The following CYP2J2 variants were observed in gnomAD, a reference collection of about 807,000 sequenced individuals.
CYP2J2 encodes cytochrome P450 family 2 subfamily J member 2, also known as cytochrome P450 2J2.
In CYP2J2, 41 loss-of-function variants were observed where a neutral mutation model predicts 48.8. The ratio of observed to expected loss-of-function variants is 0.84; its 90% CI spans 0.66 to 1.09. The LOEUF (loss-of-function observed/expected upper bound fraction) is 1.09, where lower values mean the gene tolerates loss of function less well. Ranked by LOEUF, CYP2J2 falls within the 50% of genes least tolerant of loss-of-function variation. CYP2J2 has a pLI of 0.00. For missense variants in CYP2J2, 644 were observed against 617.3 expected (o/e 1.04, Z -0.46); for synonymous variants, 221 against 227.1 (o/e 0.97, Z 0.24).
rs114965352 is a variant in CYP2J2, at chr1:59,909,101, T to C, written c.861+683A>G. On this transcript the variant is annotated intron_variant, in intron 5 of 8. Coordinates refer to ENST00000371204, the MANE Select transcript of CYP2J2 (RefSeq NM_000775.4). ...GGGATGGGGGATGAAAGGGCTGTAT[T>C]TGGGCATTCACAGGACCTCAAACCA... is the stretch of plus-strand genomic sequence containing the variant. Among the ~76,000 whole-genome samples the C allele has an allele frequency of 4.1e-3, 628 of 152,306 alleles. 7 individuals are homozygous for C. Among genetic ancestry groups the C allele is most frequent in the African/African-American group, 0.015 (603 of 41,562 alleles).
chr1:59,961,792 T>G, the CYP2J2 span, among the ~76,000 whole-genome samples: 1 of 152,102 alleles, frequency 6.6e-6, no homozygotes, highest in Non-Finnish European at 1.5e-5. Context: ...AATAAAAATC[T>G]GTCACATCCA....
At chr1:59,941,818 C>T in the CYP2J2 span, among the ~76,000 whole-genome samples, 2 of 152,064 alleles carry the variant, frequency 1.3e-5, no homozygotes, top group Admixed American at 1.3e-4. Context: ...CATTTTTGTA[C>T]AGCTGCACAA....
intron 1 of CYP2J2, among the ~76,000 whole-genome samples, 169 bp downstream of exon 1, chr1:59,926,368 G>A (rs1441592304): frequency 6.6e-6 from 1 of 152,192 alleles, no homozygotes; most frequent in Non-Finnish European, 1.5e-5. Flanking sequence ...AATCATGCCA[G>A]TTAATGGGTT....
the CYP2J2 span, among the ~76,000 whole-genome samples, chr1:59,934,220 A>G: frequency 1.3e-5 from 2 of 152,226 alleles, no homozygotes; most frequent in Admixed American, 6.5e-5. Context: ...TATATAACAC[A>G]GACAAAAATA....
chr1:59,926,446 T>A (rs1239989141), intron 1 of CYP2J2, 91 bp downstream of exon 1: 3 of 1,107,222 alleles, frequency 2.7e-6, no homozygotes, highest in African/African-American at 3.1e-5. Flanking sequence ...CTGCCCTTCA[T>A]CCCCCACCCC....
In CYP2J2 at chr1:59,904,917, CT is replaced by C; in HGVS notation, c.1144del (p.Arg382GlyfsTer3). The C allele has an allele frequency of 1.2e-6, 2 of 1,613,802 alleles. No individual in the cohort carries two copies. Among genetic ancestry groups the C allele is most frequent in the South Asian group, 2.2e-5 (2 of 91,032 alleles). ...MGNIIPLNVPREVTVDTTLAG... is the reference protein window; with the variant it reads ...MGNIIPLNVPXEVTVDTTLAG... ...CAAAGTGGTATCAACTGTCACTTCC[CT>C]GGGAACGTTCAGGGGGATGATGTTG... On this transcript the variant is annotated frameshift_variant, in exon 7 of 9. Coordinates refer to ENST00000371204, the MANE Select transcript of CYP2J2 (RefSeq NM_000775.4). LOFTEE classifies it high-confidence loss of function.
intron 1 of CYP2J2, among the ~76,000 whole-genome samples, chr1:59,918,879 G>A (rs754825721): frequency 6.6e-5 from 10 of 152,054 alleles, no homozygotes; most frequent in African/African-American, 2.4e-4. Flanking sequence ...TTTAAAAAAG[G>A]GTGGAACAAA....
At chr1:59,954,541 A>C in the CYP2J2 span, among the ~76,000 whole-genome samples, 71 of 151,236 alleles carry the variant, frequency 4.7e-4, no homozygotes, top group African/African-American at 1.7e-3. Flanking sequence ...TCATCTAAGG[A>C]ATACAAGAAC....
chr1:59,942,041 C>T, the CYP2J2 span, among the ~76,000 whole-genome samples: 15 of 152,282 alleles, frequency 9.9e-5, no homozygotes, highest in South Asian at 2.1e-4. Flanking sequence ...AAGCGCCATT[C>T]GTGATAAGTG....
At chr1:59,901,247 G>T in intron 7 of CYP2J2, 144 bp from the exon 8 acceptor site, 2 of 739,808 alleles carry the variant, frequency 2.7e-6, no homozygotes, top group Admixed American at 2.6e-5. Flanking sequence ...AGTCTCCTGT[G>T]TCCCCCAACC....
Position 59,912,202 on chromosome 1 carries a change from C to T in CYP2J2, c.483G>A (p.Glu161=), listed in dbSNP as rs1207916181. ...GKKSLEERIQ[E]EAQHLTEAIK... ...TTGCTTCAGTGAGGTGTTGGGCCTC[C>T]TCCTGAATGCGTTCCTCTAAGCTCT... Residue 161 remains glutamate, a synonymous_variant, in exon 3 of 9, where the codon GAG becomes GAA. Coordinates refer to ENST00000371204, the MANE Select transcript of CYP2J2 (RefSeq NM_000775.4). 3 of 1,613,878 alleles carry T rather than the reference C, an allele frequency of 1.9e-6. No homozygotes were observed. Among genetic ancestry groups the T allele is most frequent in the Non-Finnish European group, 2.5e-6 (3 of 1,179,850 alleles).
chr1:59,921,327 T>C (rs930703900), intron 1 of CYP2J2, among the ~76,000 whole-genome samples: 21 of 152,206 alleles, frequency 1.4e-4, no homozygotes, highest in Non-Finnish European at 3.1e-4. Context: ...CAAAATTGCA[T>C]GCAGGATTGT....
chr1:59,923,446 A>G (rs961546208), intron 1 of CYP2J2, among the ~76,000 whole-genome samples: 2 of 152,244 alleles, frequency 1.3e-5, no homozygotes, highest in African/African-American at 4.8e-5. Context: ...GAATCAAGAG[A>G]ACATCAATTG....
chr1:59,915,658 T>TA (rs2102129541), intron 2 of CYP2J2, among the ~76,000 whole-genome samples: 1 of 152,332 alleles, frequency 6.6e-6, no homozygotes, highest in East Asian at 1.9e-4. Context: ...TCCTCTGCTA[T>TA]AAATGGGTAA....
the CYP2J2 span, among the ~76,000 whole-genome samples, chr1:59,944,980 T>C: frequency 6.6e-6 from 1 of 152,204 alleles, no homozygotes; most frequent in Non-Finnish European, 1.5e-5. Context: ...CTATTATTTA[T>C]GTTGCTAGTA....
intron 8 of CYP2J2, among the ~76,000 whole-genome samples, chr1:59,896,403 T>G (rs1047167832): frequency 6.6e-6 from 1 of 152,088 alleles, no homozygotes; most frequent in Non-Finnish European, 1.5e-5. Context: ...ATTCACCTAT[T>G]GAAAATCTGA....
intron 8 of CYP2J2, 94 bp from the exon 9 acceptor site, chr1:59,893,923 A>G (rs1163325371): frequency 1.6e-6 from 2 of 1,274,040 alleles, no homozygotes; most frequent in African/African-American, 3.0e-5. Flanking sequence ...AAAAAAATGG[A>G]GCAGAGGAAG....
At chr1:59,963,728 C>T in the CYP2J2 span, among the ~76,000 whole-genome samples, 7 of 152,070 alleles carry the variant, frequency 4.6e-5, no homozygotes, top group Non-Finnish European at 7.4e-5. Context: ...GGGAGTCAGG[C>T]GGCCTCAAGT....
chr1:59,912,875 G>A (rs1421625943), intron 2 of CYP2J2: 1 of 152,162 alleles, frequency 6.6e-6, no homozygotes, highest in African/African-American at 2.4e-5. Flanking sequence ...ATGATGTAAG[G>A]AATCAAGAGA....
Sources: gnomAD v4.1 joint callset for allele counts (sites outside exome capture counted in the v4.1 genomes callset) on GRCh38, gnomAD v4.1.1 for gene constraint, MANE v1.5 for transcripts, NCBI Gene and HGNC (gene_info 2026-07-23, HGNC 2026-07-21) for gene names.